The following TMEM131 variants were observed in gnomAD, a reference collection of about 807,000 sequenced individuals.
The protein encoded by TMEM131 is transmembrane protein 131.
A neutral mutation model predicts 211.6 loss-of-function variants in TMEM131; 66 were observed. The observed-to-expected ratio is 0.31, with a 90% CI of 0.26 to 0.38. The LOEUF (loss-of-function observed/expected upper bound fraction) is 0.38. TMEM131 is among the 10% of genes least tolerant of loss of function. The probability of loss-of-function intolerance (pLI) is 1.00; values close to 1 mark genes in which losing one functional copy is unlikely to be tolerated. For missense variants in TMEM131, 2,036 were observed against 2,299.3 expected (o/e 0.89, Z 2.34); for synonymous variants, 844 against 841.3 (o/e 1.00, Z -0.06).
chr2:97,968,260 A>G (rs933926498), intron 1 of TMEM131, among the ~76,000 whole-genome samples: 4 of 152,108 alleles, frequency 2.6e-5, no homozygotes, highest in Admixed American at 6.5e-5. Context: ...AGAACCGAGG[A>G]GTGACTACCA....
intron 1 of TMEM131, among the ~76,000 whole-genome samples, chr2:97,977,905 G>C (rs1679614347): frequency 6.6e-6 from 1 of 152,050 alleles, no homozygotes; most frequent in Non-Finnish European, 1.5e-5. Flanking sequence ...GGCCAACATA[G>C]TGAAACCCCC....
chr2:97,775,933 T>G lies in TMEM131; in HGVS notation c.4230A>C (p.Glu1410Asp). The G allele has an allele frequency of 1.9e-6, 3 of 1,614,048 alleles. No individual in the cohort carries two copies. The highest frequency in any genetic ancestry group is 2.5e-6 in the Non-Finnish European group (3 of 1,179,896). The change falls in exon 32 of 41, where the codon GAA (glutamate) becomes GAC (aspartate). Residue 1410 changes from glutamate (E) to aspartate (D), a missense_variant. Transcript: ENST00000186436. The part of the protein sequence containing the change: ...KEKKGKGKPQ[E>D]DELKDSLADD... ...CAGCCAAAGAGTCCTTCAGCTCATC[T>G]TCCTGTGGCTTTCCCTTTCCCTTCT... is the stretch of plus-strand genomic sequence containing the variant.
intron 11 of TMEM131, among the ~76,000 whole-genome samples, chr2:97,825,640 C>T (rs979875534): frequency 1.2e-4 from 19 of 152,204 alleles, no homozygotes; most frequent in African/African-American, 4.6e-4. Flanking sequence ...CAGCTTTAAG[C>T]CTTCTCACAG....
rs1680485449 is a variant in TMEM131, at chr2:97,995,772, C to G, written c.-110G>C. The G allele has an allele frequency of 1.2e-6, 1 of 846,006 alleles. No homozygotes were observed. The highest frequency in any genetic ancestry group is 5.7e-5 in the South Asian group (1 of 17,448). 52.4% of individuals were successfully genotyped at this position (846,006 alleles called of 1,614,324 possible). A position where few individuals can be genotyped will look rare whatever the true frequency, so the allele number is the denominator to read the frequency against. On this transcript the variant is annotated 5_prime_UTR_variant, in exon 1 of 41. Transcript: ENST00000186436. The stretch of plus-strand genomic sequence containing the variant: ...GCTCTGGCCGCGGCGCCGGGAGCGA[C>G]AACGGTTGCGAGCCCGGGGCTCGAT...
At chr2:97,889,314 C>A (rs1391856490) in intron 3 of TMEM131, among the ~76,000 whole-genome samples, 1 of 152,064 alleles carries the variant, frequency 6.6e-6, no homozygotes, top group Non-Finnish European at 1.5e-5. Flanking sequence ...ACTAAAGACA[C>A]CGGGACATGA....
At chr2:97,761,760 G>A in intron 36 of TMEM131, 1 of 343,532 alleles carries the variant, frequency 2.9e-6, no homozygotes, top group Non-Finnish European at 5.3e-6. Flanking sequence ...TTGGCTCACT[G>A]AGAATATCAC....
At chr2:97,825,378 G>A (rs1682329404) in intron 11 of TMEM131, among the ~76,000 whole-genome samples, 3 of 152,334 alleles carry the variant, frequency 2.0e-5, no homozygotes, top group East Asian at 3.9e-4. Flanking sequence ...ATCTTAGCTA[G>A]AGGGACCAGT....
chr2:97,940,093 T>C (rs1304118929), intron 1 of TMEM131, among the ~76,000 whole-genome samples: 3 of 152,154 alleles, frequency 2.0e-5, no homozygotes, highest in Non-Finnish European at 4.4e-5. Flanking sequence ...ATTGGAAGCA[T>C]TCCCTTTGAA....
intron 11 of TMEM131, among the ~76,000 whole-genome samples, chr2:97,821,482 T>C (rs1403549593): frequency 1.3e-5 from 2 of 152,240 alleles, no homozygotes; most frequent in Non-Finnish European, 2.9e-5. Context: ...TCTTTCACTC[T>C]TCACAATAAA....
intron 32 of TMEM131, among the ~76,000 whole-genome samples, chr2:97,775,111 A>G (rs186434046): frequency 4.6e-4 from 70 of 152,346 alleles, no homozygotes; most frequent in African/African-American, 1.6e-3. Flanking sequence ...TTATCTAAAA[A>G]TAAAAGCGCC....
At chr2:97,951,114 C>G (rs1050664798) in intron 1 of TMEM131, among the ~76,000 whole-genome samples, 10 of 151,946 alleles carry the variant, frequency 6.6e-5, no homozygotes, top group Non-Finnish European at 1.3e-4. Flanking sequence ...GACTCACATT[C>G]AGCACAACCA....
intron 7 of TMEM131, among the ~76,000 whole-genome samples, chr2:97,839,032 CAG>C (rs1036752334): frequency 9.9e-5 from 15 of 152,128 alleles, no homozygotes; most frequent in African/African-American, 3.6e-4. Context: ...TGCTTGAAAA[CAG>C]AAGATTAGAC....
Position 97,834,484 on chromosome 2 carries a change from G to A in TMEM131, c.1012+137C>T, listed in dbSNP as rs116103420. 2,495 of 719,286 alleles carry A rather than the reference G, an allele frequency of 3.5e-3. 52 individuals are homozygous for A. The African/African-American group carries it at 0.041, about 12-fold the overall frequency. 44.6% of individuals were successfully genotyped at this position (719,286 alleles called of 1,614,324 possible). ...CTGTAAAGGCGCTGAGTCTGAAAAG[G>A]AGATTTGTACAAGATCATGCAACCA... On this transcript the variant is annotated intron_variant, in intron 10 of 40. Coordinates refer to ENST00000186436, the MANE Select transcript of TMEM131 (RefSeq NM_015348.2).
chr2:97,877,858 G>T (rs1327664359), intron 4 of TMEM131, among the ~76,000 whole-genome samples: 2 of 152,144 alleles, frequency 1.3e-5, no homozygotes, highest in African/African-American at 2.4e-5. Flanking sequence ...TGACACATGG[G>T]ATCTAATTAA....
At chr2:97,939,259 C>G (rs925016151) in intron 1 of TMEM131, among the ~76,000 whole-genome samples, 1 of 151,864 alleles carries the variant, frequency 6.6e-6, no homozygotes, top group Non-Finnish European at 1.5e-5. Context: ...TTGAAAAGAT[C>G]AACAAAATTG....
At position 97,792,757 on chromosome 2, in the gene TMEM131, T is replaced by C. The variant is rs764934826; in HGVS notation, c.3773A>G (p.Asn1258Ser). 11 of 1,614,078 alleles carry C rather than the reference T, an allele frequency of 6.8e-6. No individual in the cohort carries two copies. Among genetic ancestry groups the C allele is most frequent in the Non-Finnish European group, 9.3e-6 (11 of 1,179,892 alleles). The part of the protein sequence containing the change: ...SAQAASSQSA[N>S]KTSPLVLDSN... Reference sequence around the variant, plus strand: ...ATCTAAGACAAGGGGGCTTGTTTTGTTAGCAGACTGTGAAGAAGCTGCTTG... The same window carrying C: ...ATCTAAGACAAGGGGGCTTGTTTTGCTAGCAGACTGTGAAGAAGCTGCTTG... Residue 1258 changes from asparagine to serine, a missense_variant, in exon 31 of 41, where the codon AAC becomes AGC. Physicochemically the swap from Asn to Ser is conservative, Grantham distance 46 (BLOSUM62 1). Transcript: ENST00000186436.
intron 3 of TMEM131, among the ~76,000 whole-genome samples, chr2:97,888,796 G>C (rs571312156): frequency 1.3e-5 from 2 of 152,272 alleles, no homozygotes; most frequent in African/African-American, 4.8e-5. Context: ...AGTAGTGGTG[G>C]TGGTTCACAT....
chr2:97,950,299 CATAT>C (rs1171006196), intron 1 of TMEM131, among the ~76,000 whole-genome samples: 2 of 152,172 alleles, frequency 1.3e-5, no homozygotes, highest in East Asian at 1.9e-4. Context: ...CAAATACATA[CATAT>C]ATAAAGATTT....
intron 5 of TMEM131, among the ~76,000 whole-genome samples, chr2:97,852,966 T>TCAG (rs1274411928): frequency 3.9e-5 from 6 of 152,256 alleles, no homozygotes; most frequent in South Asian, 2.1e-4. Context: ...CACATCTATT[T>TCAG]ATAACATGGT....
Sources: gnomAD v4.1 joint callset for allele counts (sites outside exome capture counted in the v4.1 genomes callset) on GRCh38, gnomAD v4.1.1 for gene constraint, MANE v1.5 for transcripts, NCBI Gene and HGNC (gene_info 2026-07-23, HGNC 2026-07-21) for gene names.